Variants in KCND2 observed in about 807,000 individuals in gnomAD.
KCND2 encodes potassium voltage-gated channel subfamily D member 2, also known as A-type voltage-gated potassium channel KCND2.
KCND2 carries 16 observed loss-of-function variants against 54.4 expected under a neutral mutation model. The observed-to-expected ratio is 0.29, with a 90% CI of 0.20 to 0.45. KCND2 has a LOEUF of 0.45. Ranked by LOEUF, KCND2 falls within the 20% of genes least tolerant of loss-of-function variation. The pLI, the probability that KCND2 is intolerant of heterozygous loss-of-function variation, is 1.00. For synonymous variants in KCND2, 317 were observed against 310.7 expected (o/e 1.02, Z -0.21); for missense variants, 486 against 824.2 (o/e 0.59, Z 5.02).
intron 1 of KCND2, among the ~76,000 whole-genome samples, chr7:120,624,421 C>T (rs1488349117): frequency 6.6e-6 from 1 of 152,118 alleles, no homozygotes; most frequent in African/African-American, 2.4e-5. Context: ...AGATATTTAG[C>T]ACATATTGTC....
chr7:120,625,404 C>G (rs562500178), intron 1 of KCND2, among the ~76,000 whole-genome samples: 115 of 152,270 alleles, frequency 7.6e-4, no homozygotes, highest in Middle Eastern at 6.8e-3. Flanking sequence ...ATAATTTTAA[C>G]TTTAATTCAA....
intron 1 of KCND2, among the ~76,000 whole-genome samples, chr7:120,293,108 AT>A (rs1799459371): frequency 6.6e-6 from 1 of 152,008 alleles, no homozygotes; most frequent in Admixed American, 6.6e-5. Flanking sequence ...ATAGTTGAGA[AT>A]AAACTCTACC....
At chr7:120,450,877 G>A (rs928041581) in intron 1 of KCND2, among the ~76,000 whole-genome samples, 2 of 152,154 alleles carry the variant, frequency 1.3e-5, no homozygotes, top group Non-Finnish European at 2.9e-5. Flanking sequence ...TCCCTTAAAT[G>A]CAGGTGGAGC....
At chr7:120,400,969 A>G (rs556904273) in intron 1 of KCND2, among the ~76,000 whole-genome samples, 14 of 152,166 alleles carry the variant, frequency 9.2e-5, no homozygotes, top group East Asian at 1.9e-4. Context: ...TAAAAAAAAA[A>G]AAGAAGAAGA....
intron 1 of KCND2, among the ~76,000 whole-genome samples, chr7:120,595,311 C>T (rs982495870): frequency 2.6e-5 from 4 of 151,118 alleles, no homozygotes; most frequent in Admixed American, 6.6e-5. Flanking sequence ...ATTAGCCAGG[C>T]GTGGTGGCAC....
rs1799157143 is a variant in KCND2, at chr7:120,275,267, G to A, written c.635G>A (p.Ser212Asn). ...GTGGAAACAGTGCCGTGCGGATCAAGCCCAGGTCACATTAAAGAACTGCCC... is the reference window on the plus strand; with the variant it reads ...GTGGAAACAGTGCCGTGCGGATCAAACCCAGGTCACATTAAAGAACTGCCC... ...NVVETVPCGS[S>N]PGHIKELPCG... is the part of the protein sequence containing the mutation. The change falls in exon 1 of 6, where the codon AGC (serine) becomes AAC (asparagine). Residue 212 changes from serine (S) to asparagine (N), a missense_variant. Physicochemically the swap from Ser to Asn is conservative, Grantham distance 46 (BLOSUM62 1). Coordinates refer to ENST00000331113, the MANE Select transcript of KCND2 (RefSeq NM_012281.3). The A allele has an allele frequency of 6.2e-7, 1 of 1,613,792 alleles. No homozygotes were observed. The highest frequency in any genetic ancestry group is 1.1e-5 in the South Asian group (1 of 91,064).
chr7:120,435,415 A>G (rs1193333568), intron 1 of KCND2, among the ~76,000 whole-genome samples: 2 of 152,034 alleles, frequency 1.3e-5, no homozygotes, highest in Non-Finnish European at 1.5e-5. Flanking sequence ...GAGCCTGGCC[A>G]TAAGCAATAA....
intron 1 of KCND2, among the ~76,000 whole-genome samples, chr7:120,308,771 A>G (rs939348568): frequency 6.6e-6 from 1 of 152,188 alleles, no homozygotes; most frequent in African/African-American, 2.4e-5. Flanking sequence ...GCCAATTATC[A>G]GCTGTGTAAA....
chr7:120,405,169 T>C (rs1801333409), intron 1 of KCND2, among the ~76,000 whole-genome samples: 2 of 152,154 alleles, frequency 1.3e-5, no homozygotes, highest in Non-Finnish European at 1.5e-5. Flanking sequence ...AAATGTCCAG[T>C]ACAGGTTTAG....
chr7:120,515,811 G>A (rs745546686), intron 1 of KCND2, among the ~76,000 whole-genome samples: 12 of 152,084 alleles, frequency 7.9e-5, no homozygotes, highest in South Asian at 6.2e-4. Context: ...CGTTGAAATG[G>A]CAGATCCTTT....
At chr7:120,707,400 G>A (rs899228912) in intron 1 of KCND2, among the ~76,000 whole-genome samples, 12 of 152,030 alleles carry the variant, frequency 7.9e-5, no homozygotes, top group South Asian at 2.1e-4. Flanking sequence ...AAATGACTGC[G>A]AGTCACTTAA....
intron 1 of KCND2, among the ~76,000 whole-genome samples, chr7:120,659,325 G>T (rs1791839663): frequency 6.6e-6 from 1 of 152,018 alleles, no homozygotes; most frequent in African/African-American, 2.4e-5. Flanking sequence ...AGAGGGGAGA[G>T]CTCCCTCTTC....
chr7:120,521,621 T>A (rs1791694453), intron 1 of KCND2, among the ~76,000 whole-genome samples: 1 of 152,192 alleles, frequency 6.6e-6, no homozygotes, highest in Non-Finnish European at 1.5e-5. Flanking sequence ...AGCGTAATAA[T>A]ATATGTCCCC....
At chr7:120,315,765 AGTGTGTGTGTGTGTGTGTGTGTGTGTGT>A (rs59537613) in intron 1 of KCND2, among the ~76,000 whole-genome samples, 6 of 137,518 alleles carry the variant, frequency 4.4e-5, no homozygotes, top group East Asian at 4.2e-4. Context: ...TTCCATAAGC[AGTGTGTGTGTGTGTGTGTGTGTGTGTGT>A]GTGTGTGTGT....
intron 1 of KCND2, among the ~76,000 whole-genome samples, chr7:120,496,686 A>T (rs2116310134): frequency 6.6e-6 from 1 of 152,190 alleles, no homozygotes; most frequent in African/African-American, 2.4e-5. Context: ...GGCCTCCCAA[A>T]GTGCTGGGAT....
intron 1 of KCND2, among the ~76,000 whole-genome samples, chr7:120,407,714 A>G (rs1801383221): frequency 6.6e-6 from 1 of 150,690 alleles, no homozygotes; most frequent in Non-Finnish European, 1.5e-5. Flanking sequence ...ACTTTATAAT[A>G]TAAAAATATA....
rs1264231961 is a variant in KCND2 at position 120,311,255 on chromosome 7, T to C, written c.1115+35508T>C. On this transcript the variant is annotated intron_variant, in intron 1 of 5. Coordinates refer to ENST00000331113, the MANE Select transcript of KCND2 (RefSeq NM_012281.3). ...TGACATAAGCAGAATTTTTGTGGCA[T>C]CTTAATAAAAATGCTATTTTAAAGG... Among the ~76,000 whole-genome samples the C allele has an allele frequency of 3.3e-5, 5 of 152,200 alleles. No individual in the cohort carries two copies. The East Asian group carries it at 9.6e-4, about 29-fold the overall frequency.
chr7:120,494,320 A>T (rs1802821707), intron 1 of KCND2, among the ~76,000 whole-genome samples: 1 of 152,102 alleles, frequency 6.6e-6, no homozygotes, highest in South Asian at 2.1e-4. Context: ...GCATATGTTT[A>T]TTTCTATATA....
intron 1 of KCND2, among the ~76,000 whole-genome samples, chr7:120,395,373 A>G (rs1463660716): frequency 6.6e-6 from 1 of 152,052 alleles, no homozygotes; most frequent in Non-Finnish European, 1.5e-5. Flanking sequence ...AGGTAGGAAA[A>G]TTAACATTGG....
Sources: allele counts gnomAD v4.1 joint callset (sites outside exome capture counted in the v4.1 genomes callset), GRCh38; gene constraint gnomAD v4.1.1; transcripts MANE v1.5; gene names NCBI Gene and HGNC (gene_info 2026-07-23, HGNC 2026-07-21).